Variants in NAALADL2 observed in about 807,000 individuals in gnomAD.
NAALADL2 encodes inactive N-acetylated-alpha-linked acidic dipeptidase-like protein 2.
In NAALADL2, 76 loss-of-function variants were observed where a neutral mutation model predicts 87.2. The ratio of observed to expected loss-of-function variants is 0.87; its 90% CI spans 0.72 to 1.05. NAALADL2 has a LOEUF of 1.05. Ranked by LOEUF, NAALADL2 falls within the 50% of genes least tolerant of loss-of-function variation. NAALADL2 has a pLI of 0.00. For missense variants in NAALADL2, 1,089 were observed against 945.8 expected (o/e 1.15, Z -1.99); for synonymous variants, 354 against 331.0 (o/e 1.07, Z -0.75).
intron 2 of NAALADL2, among the ~76,000 whole-genome samples, chr3:174,560,478 A>T (rs1431544091): frequency 2.6e-5 from 4 of 152,212 alleles, no homozygotes; most frequent in African/African-American, 4.8e-5. Flanking sequence ...TTGAGGGCAG[A>T]TACTGACTTT....
intron 3 of NAALADL2, among the ~76,000 whole-genome samples, chr3:175,239,791 G>A (rs1280503727): frequency 6.6e-6 from 1 of 152,130 alleles, no homozygotes; most frequent in African/African-American, 2.4e-5. Context: ...GGGGTGGTCA[G>A]GTCAATTCTG....
At chr3:175,689,556 A>G (rs1736762526) in intron 11 of NAALADL2, among the ~76,000 whole-genome samples, 2 of 152,198 alleles carry the variant, frequency 1.3e-5, no homozygotes. Context: ...GGTCAAAACC[A>G]TACCTATCAC....
At chr3:175,339,254 A>G (rs1202852564) in intron 5 of NAALADL2, among the ~76,000 whole-genome samples, 1 of 152,212 alleles carries the variant, frequency 6.6e-6, no homozygotes, top group Non-Finnish European at 1.5e-5. Flanking sequence ...GTTGGACAGG[A>G]GGATCCTGCT....
intron 2 of NAALADL2, among the ~76,000 whole-genome samples, chr3:174,721,300 A>G (rs571840254): frequency 6.6e-6 from 1 of 152,330 alleles, no homozygotes; most frequent in Non-Finnish European, 1.5e-5. Flanking sequence ...CATTTGTAAT[A>G]TGACAGTGAG....
At chr3:175,640,580 G>A (rs1729144877) in intron 11 of NAALADL2, among the ~76,000 whole-genome samples, 1 of 152,060 alleles carries the variant, frequency 6.6e-6, no homozygotes, top group African/African-American at 2.4e-5. Flanking sequence ...TTCCCAGGAA[G>A]CATCATTATT....
At position 175,755,186 on chromosome 3, in the gene NAALADL2, T is replaced by A. The variant is rs75038726; in HGVS notation, c.1991-34T>A. 7.8e-3 allele frequency: 12,268 copies of A among 1,577,578 alleles called. 762 individuals carry two copies. The African/African-American group carries it at 0.14, about 18-fold the overall frequency. On this transcript the variant is annotated intron_variant, in intron 12 of 13. Coordinates refer to ENST00000454872, the MANE Select transcript of NAALADL2 (RefSeq NM_207015.3). ...TGCTTATTTTGCTCCCTTGAGAATG[T>A]CTCTTCTGAGATGGGCTCATTTATC...
At position 175,583,913 on chromosome 3, in the gene NAALADL2, GAACA is replaced by G. The variant is rs1187803662; in HGVS notation, c.1800+7731_1800+7734del. ...AAGGTAGAGCAAGGAAAATTATATTGAACAAACACTTATATAATGTTTGCGTCAG... is the reference window on the plus strand; with the variant it reads ...AAGGTAGAGCAAGGAAAATTATATTGAACACTTATATAATGTTTGCGTCAG... On this transcript the variant is annotated intron_variant, in intron 10 of 13. Coordinates refer to ENST00000454872, the MANE Select transcript of NAALADL2 (RefSeq NM_207015.3). 2.6e-5 allele frequency among the ~76,000 whole-genome samples: 4 copies of G among 152,242 alleles called. No homozygotes were observed. The East Asian group carries it at 7.7e-4, about 29-fold the overall frequency.
chr3:175,081,209 C>A (rs1156835631), intron 1 of NAALADL2: 2 of 151,996 alleles, frequency 1.3e-5, no homozygotes, highest in African/African-American at 4.8e-5. Flanking sequence ...TTATCTGAAG[C>A]AAAACAAGAC....
chr3:175,799,213 T>C (rs1166248113), intron 13 of NAALADL2, among the ~76,000 whole-genome samples: 1 of 141,320 alleles, frequency 7.1e-6, no homozygotes, highest in Non-Finnish European at 1.5e-5. Flanking sequence ...ATGAAACTCA[T>C]AAAGTGAAGG....
At chr3:175,347,809 A>C (rs1387777301) in intron 5 of NAALADL2, among the ~76,000 whole-genome samples, 1 of 152,098 alleles carries the variant, frequency 6.6e-6, no homozygotes, top group African/African-American at 2.4e-5. Context: ...ACAGGTATAC[A>C]CGTGCCATGG....
intron 5 of NAALADL2, among the ~76,000 whole-genome samples, chr3:175,375,913 C>T (rs1254115021): frequency 1.3e-5 from 2 of 151,982 alleles, no homozygotes; most frequent in Non-Finnish European, 2.9e-5. Flanking sequence ...AGCTATGCAT[C>T]CTTTTTCTGC....
At chr3:174,530,962 A>G (rs1211432665) in intron 1 of NAALADL2, among the ~76,000 whole-genome samples, 1 of 152,254 alleles carries the variant, frequency 6.6e-6, no homozygotes, top group East Asian at 1.9e-4. Context: ...CTATGAACAA[A>G]TTTGTTGAAG....
intron 1 of NAALADL2, among the ~76,000 whole-genome samples, chr3:174,928,987 A>C (rs1195893665): frequency 6.6e-6 from 1 of 152,246 alleles, no homozygotes; most frequent in Non-Finnish European, 1.5e-5. Flanking sequence ...AAGAAAACTA[A>C]TAAGAAATAG....
intron 5 of NAALADL2, among the ~76,000 whole-genome samples, chr3:175,418,739 T>C (rs1715118905): frequency 2.0e-5 from 3 of 151,998 alleles, no homozygotes; most frequent in Middle Eastern, 3.4e-3. Flanking sequence ...GGGCAGATAA[T>C]TGGAAAGCAA....
chr3:174,964,775 C>T lies in NAALADL2; in HGVS notation c.43+105325C>T, dbSNP rs377416236. Among the ~76,000 whole-genome samples the T allele has an allele frequency of 8.0e-3, 1,221 of 151,774 alleles. 8 individuals are homozygous for T. Among genetic ancestry groups the T allele is most frequent in the Non-Finnish European group, 0.012 (833 of 67,948 alleles). On this transcript the variant is annotated intron_variant, in intron 1 of 13. Coordinates refer to ENST00000454872, the MANE Select transcript of NAALADL2 (RefSeq NM_207015.3). ...ATAGTAGTAATAGTAATTTTAATAA[C>T]GTAGCACCTCTCAGGGCCAGATACT... is the stretch of plus-strand genomic sequence containing the variant.
chr3:174,851,269 A>C (rs923684939), intron 3 of NAALADL2, among the ~76,000 whole-genome samples: 2 of 151,850 alleles, frequency 1.3e-5, no homozygotes, highest in South Asian at 4.1e-4. Context: ...GAGCAGAAGT[A>C]AATGGGATTG....
chr3:174,605,338 C>T (rs191236383), intron 2 of NAALADL2, among the ~76,000 whole-genome samples: 1,950 of 152,164 alleles, frequency 0.013, 18 homozygotes, highest in Non-Finnish European at 0.022. Flanking sequence ...TGCAGCGCAC[C>T]GTGCGCAAGC....
At chr3:174,690,226 A>T (rs1728447370) in intron 2 of NAALADL2, among the ~76,000 whole-genome samples, 1 of 152,086 alleles carries the variant, frequency 6.6e-6, no homozygotes, top group African/African-American at 2.4e-5. Context: ...ATAAGCAACA[A>T]TTTTTTGTGA....
At chr3:174,627,179 G>A (rs1287136574) in intron 2 of NAALADL2, among the ~76,000 whole-genome samples, 1 of 151,998 alleles carries the variant, frequency 6.6e-6, no homozygotes, top group Non-Finnish European at 1.5e-5. Context: ...ATGGAGCAGT[G>A]AATAAATTAT....
Sources: gnomAD v4.1 joint callset for allele counts (sites outside exome capture counted in the v4.1 genomes callset) on GRCh38, gnomAD v4.1.1 for gene constraint, MANE v1.5 for transcripts, NCBI Gene and HGNC (gene_info 2026-07-23, HGNC 2026-07-21) for gene names.